The following SLCO3A1 variants were observed in gnomAD, a reference collection of about 807,000 sequenced individuals.
SLCO3A1 encodes PGE1 transporter.
In SLCO3A1, 27 loss-of-function variants were observed where a neutral mutation model predicts 63.1. That is an observed-to-expected ratio of 0.43 (90% CI 0.32 to 0.59). SLCO3A1 has a LOEUF of 0.59. Among genes scored for constraint, SLCO3A1 ranks in the 20% least tolerant of loss-of-function variants. The probability of loss-of-function intolerance (pLI) is 0.09; values close to 1 mark genes in which losing one functional copy is unlikely to be tolerated. For missense variants in SLCO3A1, 773 were observed against 945.8 expected (o/e 0.82, Z 2.40); for synonymous variants, 473 against 409.9 (o/e 1.15, Z -1.86).
intron 1 of SLCO3A1, among the ~76,000 whole-genome samples, chr15:91,914,569 T>C (rs940285858): frequency 2.6e-5 from 3 of 113,488 alleles, no homozygotes; most frequent in African/African-American, 1.1e-4. Context: ...TTTTCTTCCT[T>C]TTTTTTTTTT....
chr15:92,139,392 G>C (rs2048099107), intron 7 of SLCO3A1, among the ~76,000 whole-genome samples: 1 of 151,904 alleles, frequency 6.6e-6, no homozygotes, highest in Non-Finnish European at 1.5e-5. Flanking sequence ...ATTTTATTGA[G>C]GATTTTGGCA....
chr15:92,118,676 G>T (rs996355614), intron 4 of SLCO3A1, among the ~76,000 whole-genome samples: 2 of 152,154 alleles, frequency 1.3e-5, no homozygotes, highest in African/African-American at 2.4e-5. Context: ...TTGGAATGCA[G>T]TGTGAGACTC....
chr15:92,040,556 A>C (rs1428659537), intron 2 of SLCO3A1, among the ~76,000 whole-genome samples: 1 of 152,146 alleles, frequency 6.6e-6, no homozygotes, highest in Non-Finnish European at 1.5e-5. Flanking sequence ...GCAACTATAA[A>C]TCCATCCACA....
intron 2 of SLCO3A1, among the ~76,000 whole-genome samples, chr15:91,932,639 C>T (rs991948420): frequency 7.9e-5 from 12 of 152,172 alleles, no homozygotes; most frequent in African/African-American, 2.9e-4. Flanking sequence ...GATGAGGTTT[C>T]ACCATGTTGG....
At chr15:91,928,570 T>G (rs74028377) in intron 2 of SLCO3A1, among the ~76,000 whole-genome samples, 7 of 152,154 alleles carry the variant, frequency 4.6e-5, no homozygotes, top group African/African-American at 1.7e-4. Context: ...ACACTAAGTA[T>G]GAAAAGTGAC....
intron 1 of SLCO3A1, chr15:91,889,085 G>T: frequency 9.8e-7 from 1 of 1,015,240 alleles, no homozygotes; most frequent in Non-Finnish European, 1.3e-6. Flanking sequence ...TAACATTTGT[G>T]TACTTGTTAT....
At chr15:92,066,733 G>T (rs959077699) in intron 2 of SLCO3A1, among the ~76,000 whole-genome samples, 3 of 152,140 alleles carry the variant, frequency 2.0e-5, no homozygotes, top group African/African-American at 7.2e-5. Flanking sequence ...GCTCAGCCAG[G>T]GCCCATTGCC....
chr15:91,856,161 C>A lies in SLCO3A1; in HGVS notation c.180+2073C>A, dbSNP rs1475131283. Among the ~76,000 whole-genome samples, 2 of 151,898 alleles carry A rather than the reference C, an allele frequency of 1.3e-5. No homozygotes were observed. Among genetic ancestry groups the A allele is most frequent in the South Asian group, 2.1e-4 (1 of 4,820 alleles). On this transcript the variant is annotated intron_variant, in intron 1 of 9. Transcript: ENST00000318445. This position sits in a 1 kb window ranked among gnomAD's most constrained non-coding sequence, Gnocchi z 4.9. Reference sequence around the variant, plus strand: ...ATGGCAAGCAGAGGAGGAATTCGGTCCACCTGGTGGCGGCATCCTGGCACT... The same window carrying A: ...ATGGCAAGCAGAGGAGGAATTCGGTACACCTGGTGGCGGCATCCTGGCACT...
intron 2 of SLCO3A1, among the ~76,000 whole-genome samples, chr15:92,048,426 T>C (rs1344046005): frequency 6.6e-6 from 1 of 152,156 alleles, no homozygotes; most frequent in Non-Finnish European, 1.5e-5. Context: ...TTGACTGCAA[T>C]AATCCAGACT....
intron 2 of SLCO3A1, among the ~76,000 whole-genome samples, chr15:92,068,672 G>A (rs780402921): frequency 9.9e-5 from 15 of 152,184 alleles, no homozygotes; most frequent in Non-Finnish European, 1.6e-4. Flanking sequence ...CTCTGAACAT[G>A]CTCCTTATTA....
intron 8 of SLCO3A1, among the ~76,000 whole-genome samples, chr15:92,150,280 C>A (rs1008230291): frequency 6.6e-6 from 1 of 152,156 alleles, no homozygotes; most frequent in Non-Finnish European, 1.5e-5. Flanking sequence ...TAGATGGTGC[C>A]CACCCAGATT....
intron 2 of SLCO3A1, among the ~76,000 whole-genome samples, chr15:91,921,531 GGA>G (rs1898844561): frequency 6.6e-6 from 1 of 151,954 alleles, no homozygotes; most frequent in Non-Finnish European, 1.5e-5. Flanking sequence ...AAGTACTTGA[GGA>G]ATTGATGATA....
intron 2 of SLCO3A1, among the ~76,000 whole-genome samples, chr15:92,044,337 T>A (rs888348894): frequency 1.3e-5 from 2 of 152,130 alleles, no homozygotes; most frequent in African/African-American, 2.4e-5. Context: ...GGAACTTATC[T>A]CTTATCCTGT....
intron 2 of SLCO3A1, among the ~76,000 whole-genome samples, chr15:91,920,647 G>C (rs898493748): frequency 2.6e-5 from 4 of 152,132 alleles, no homozygotes; most frequent in Admixed American, 6.5e-5. Flanking sequence ...CAGTGTGGGC[G>C]CCATACCTTC....
chr15:92,060,290 T>C (rs1287613562), intron 2 of SLCO3A1, among the ~76,000 whole-genome samples: 1 of 152,116 alleles, frequency 6.6e-6, no homozygotes, highest in African/African-American at 2.4e-5. Context: ...CTGGGCTCGG[T>C]GGTTCATGCC....
intron 2 of SLCO3A1, among the ~76,000 whole-genome samples, chr15:91,994,392 C>G (rs150639034): frequency 2.3e-3 from 345 of 152,118 alleles, no homozygotes; most frequent in African/African-American, 8.0e-3. Context: ...AAATTACTAG[C>G]CCAAAGTCAC....
chr15:92,074,396 ACAGAAC>A (rs1219238333), intron 2 of SLCO3A1, among the ~76,000 whole-genome samples: 2 of 152,200 alleles, frequency 1.3e-5, no homozygotes, highest in East Asian at 3.9e-4. Context: ...TCATCTGCAA[ACAGAAC>A]CAGAAGTGAT....
Position 91,854,239 on chromosome 15 carries a change from C to T in SLCO3A1, c.180+151C>T, listed in dbSNP as rs940668110. ...GGTTGGCGAGTGGTGCAGAGGCGGC[C>T]GCCGGGGGAGCTGCCGGCCGGGGCT... On this transcript the variant is annotated intron_variant, in intron 1 of 9. Transcript: ENST00000318445. This position sits in a 1 kb window ranked among gnomAD's most constrained non-coding sequence, Gnocchi z 6.4. The T allele has an allele frequency of 9.0e-7, 1 of 1,109,028 alleles. No homozygotes were observed. The highest frequency in any genetic ancestry group is 1.6e-5 in the African/African-American group (1 of 61,082). The allele number at this position is 1,109,028 out of a possible 1,614,324, so 68.7% of individuals were successfully genotyped here.
At chr15:92,018,687 G>A (rs2046468846) in intron 2 of SLCO3A1, among the ~76,000 whole-genome samples, 1 of 152,206 alleles carries the variant, frequency 6.6e-6, no homozygotes, top group South Asian at 2.1e-4. Flanking sequence ...GCCACCAGGA[G>A]TGGGGAGCCT....
Sources: gnomAD v4.1 joint callset for allele counts (sites outside exome capture counted in the v4.1 genomes callset) on GRCh38, gnomAD v4.1.1 for gene constraint, Gnocchi (gnomAD v3.1) non-coding constraint, MANE v1.5 for transcripts, NCBI Gene and HGNC (gene_info 2026-07-23, HGNC 2026-07-21) for gene names.